Variants in RAG1 observed in about 807,000 individuals in gnomAD.
The protein encoded by RAG1 is recombination activating 1, also known as V(D)J recombination-activating protein 1.
A neutral mutation model predicts 62.7 loss-of-function variants in RAG1; 35 were observed. That is an observed-to-expected ratio of 0.56 (90% CI 0.43 to 0.74). RAG1 has a LOEUF of 0.74. Ranked by LOEUF, RAG1 falls within the 30% of genes least tolerant of loss-of-function variation. The probability of loss-of-function intolerance (pLI) is 0.00; values close to 1 mark genes in which losing one functional copy is unlikely to be tolerated. For missense variants in RAG1, 1,169 were observed against 1,278.6 expected (o/e 0.91, Z 1.31); for synonymous variants, 461 against 470.3 (o/e 0.98, Z 0.26).
In RAG1 at chr11:36,573,736, G is replaced by T. The variant is rs144430517; in HGVS notation, c.432G>T (p.Lys144Asn). The change falls in exon 2 of 2, where the codon AAG becomes AAT. Residue 144 changes from lysine (K) to asparagine (N), a missense_variant. Physicochemically the swap from Lys to Asn is moderately conservative, Grantham distance 94. This residue lies in a region of RAG1 where 369 missense variants were observed against 335.3 expected (regional missense o/e 1.10). Coordinates refer to ENST00000299440, the MANE Select transcript of RAG1 (RefSeq NM_000448.3). ...DGKTLGLLRK[K>N]EKRATSWPDL... ...AAACCCTAGGCCTTTTACGAAAGAA[G>T]GAAAAGAGAGCTACTTCCTGGCCGG... 4.8e-5 allele frequency: 77 copies of T among 1,613,914 alleles called. No individual in the cohort carries two copies. The highest frequency in any genetic ancestry group is 5.9e-5 in the Non-Finnish European group (70 of 1,180,040).
chr11:36,530,502 C>T (rs991839176), intron 2 of RAG1, among the ~76,000 whole-genome samples: 8 of 151,876 alleles, frequency 5.3e-5, no homozygotes, highest in Admixed American at 2.0e-4. Flanking sequence ...TTAGTTGTGT[C>T]CTATGAGTTA....
chr11:36,535,645 G>A (rs1269654219), intron 2 of RAG1, among the ~76,000 whole-genome samples: 1 of 152,052 alleles, frequency 6.6e-6, no homozygotes, highest in East Asian at 1.9e-4. Flanking sequence ...TCAGGAGGCT[G>A]AGGCAGAAGA....
In RAG1 at chr11:36,574,675, C is replaced by T. The variant is rs138387845; in HGVS notation, c.1371C>T (p.Ile457=). The T allele has an allele frequency of 3.7e-6, 6 of 1,614,112 alleles. No homozygotes were observed. In the African/African-American group the frequency reaches 6.7e-5, roughly 18 times the overall value. The change falls in exon 2 of 2, where the codon ATC becomes ATT. Residue 457 remains isoleucine (I), a synonymous_variant. Coordinates refer to ENST00000299440, the MANE Select transcript of RAG1 (RefSeq NM_000448.3). ...EHRQADELEA[I]MQGKGSGLQP... ...GGCAAGCTGATGAGCTGGAGGCCAT[C>T]ATGCAGGGAAAGGGCTCTGGCCTGC...
At chr11:36,572,741 G>C (rs1850768018) in intron 1 of RAG1, among the ~76,000 whole-genome samples, 1 of 152,176 alleles carries the variant, frequency 6.6e-6, no homozygotes, top group Admixed American at 6.5e-5. Flanking sequence ...CTTTCAAGTA[G>C]TGAATAATTA....
intron 2 of RAG1, among the ~76,000 whole-genome samples, chr11:36,522,671 T>A (rs1368215240): frequency 2.0e-5 from 3 of 152,188 alleles, no homozygotes; most frequent in African/African-American, 7.2e-5. Context: ...TACTGACAGC[T>A]TGCACTGTTT....
Position 36,568,998 on chromosome 11 carries a change from T to C in RAG1, c.-15+876T>C, listed in dbSNP as rs148329600. 6.8e-4 allele frequency among the ~76,000 whole-genome samples: 103 copies of C among 152,200 alleles called. 1 individual carries two copies. The highest frequency in any genetic ancestry group is 2.3e-3 in the African/African-American group (96 of 41,528). ...GTGGAACAGGTGTGATAATGAGAGG[T>C]CACACTTGAGCACACAGTTATTACT... On this transcript the variant is annotated intron_variant, in intron 1 of 1. Coordinates refer to ENST00000299440, the MANE Select transcript of RAG1 (RefSeq NM_000448.3).
chr11:36,538,029 T>C (rs1437884947), downstream of RAG1, among the ~76,000 whole-genome samples: 1 of 152,176 alleles, frequency 6.6e-6, no homozygotes. Flanking sequence ...TCTTCTTGGC[T>C]GATCTTCTTA....
Position 36,578,520 on chromosome 11 carries a change from A to AT in RAG1, c.*2090dup, listed in dbSNP as rs891605241. ...GAAGCATGGTCATGCTGGTTTATAG[A>AT]TTTTTTACCCATTTCTACTCTTTTT... On this transcript the variant is annotated 3_prime_UTR_variant, in exon 2 of 2. Coordinates refer to ENST00000299440, the MANE Select transcript of RAG1 (RefSeq NM_000448.3). The AT allele has an allele frequency of 4.2e-5, 7 of 166,788 alleles. No individual in the cohort carries two copies. The highest frequency in any genetic ancestry group is 2.1e-4 in the South Asian group (1 of 4,828). 10.3% of individuals were successfully genotyped at this position (166,788 alleles called of 1,614,324 possible).
intron 3 of RAG1, among the ~76,000 whole-genome samples, chr11:36,546,301 T>A (rs1386926838): frequency 6.6e-6 from 1 of 152,238 alleles, no homozygotes; most frequent in Non-Finnish European, 1.5e-5. Flanking sequence ...TAGCTCTTCT[T>A]GTTGCACTGA....
Position 36,574,690 on chromosome 11 carries a change from C to T in RAG1, c.1386C>T (p.Gly462=). ...DELEAIMQGK[G]SGLQPAVCLA... is the part of the protein sequence containing the mutation. ...TGGAGGCCATCATGCAGGGAAAGGG[C>T]TCTGGCCTGCAGCCAGCTGTTTGCT... Residue 462 remains glycine (G), a synonymous_variant, in exon 2 of 2, where the codon GGC becomes GGT. Transcript: ENST00000299440. 1.2e-6 allele frequency: 2 copies of T among 1,614,220 alleles called. No individual in the cohort carries two copies. The highest frequency in any genetic ancestry group is 1.7e-6 in the Non-Finnish European group (2 of 1,180,042).
chr11:36,510,436 TG>T (rs1358485355), upstream of RAG1: 1 of 152,348 alleles, frequency 6.6e-6, no homozygotes, highest in Non-Finnish European at 1.5e-5. Flanking sequence ...GTGTCCCACC[TG>T]GGAATTCGTT....
rs1850879084 is a variant in RAG1, at chr11:36,578,072, A to G, written c.*1636A>G. The G allele has an allele frequency of 6.0e-6, 1 of 167,044 alleles. No individual in the cohort carries two copies. Among genetic ancestry groups the G allele is most frequent in the Non-Finnish European group, 1.5e-5 (1 of 68,128 alleles). The allele number at this position is 167,044 out of a possible 1,614,324, so 10.3% of individuals were successfully genotyped here. A position where few individuals can be genotyped will look rare whatever the true frequency, so the allele number is the denominator to read the frequency against. On this transcript the variant is annotated 3_prime_UTR_variant, in exon 2 of 2. Transcript: ENST00000299440. ...GAGCAGGCATGGAATTTTATATGCT[A>G]GTGAGTCATAATGATATGTTAGTGT...
intron 1 of RAG1, chr11:36,511,072 C>G (rs927630697): frequency 2.6e-5 from 4 of 152,190 alleles, no homozygotes; most frequent in African/African-American, 9.7e-5. Flanking sequence ...TTTCAGTTTT[C>G]TCATCTCGTA....
chr11:36,514,493 T>A (rs1037873221), intron 1 of RAG1, among the ~76,000 whole-genome samples: 1 of 152,178 alleles, frequency 6.6e-6, no homozygotes, highest in Admixed American at 6.6e-5. Flanking sequence ...GTGCATTACA[T>A]TTATTGCGCA....
chr11:36,576,396 T>C lies in RAG1; in HGVS notation c.3092T>C (p.Ile1031Thr), dbSNP rs1315262612. Residue 1031 changes from isoleucine to threonine, a missense_variant, in exon 2 of 2, where the codon ATA becomes ACA. Transcript: ENST00000299440. Reference protein sequence around the residue: ...PQASLGDPLGIEDSLESQDSM... With the variant: ...PQASLGDPLGTEDSLESQDSM... ...GCAAGCTTAGGGGACCCATTAGGCA[T>C]AGAGGACTCTCTGGAAAGCCAAGAT... is the stretch of plus-strand genomic sequence containing the variant. 1.9e-6 allele frequency: 3 copies of C among 1,614,044 alleles called. No homozygotes were observed. Among genetic ancestry groups the C allele is most frequent in the African/African-American group, 2.7e-5 (2 of 74,924 alleles).
At chr11:36,517,863 G>A (rs1860016947) in intron 1 of RAG1, among the ~76,000 whole-genome samples, 1 of 151,994 alleles carries the variant, frequency 6.6e-6, no homozygotes, top group Non-Finnish European at 1.5e-5. Context: ...TATACTTTAA[G>A]TTTTAGGGTA....
downstream of RAG1, among the ~76,000 whole-genome samples, chr11:36,538,977 C>A (rs1326282309): frequency 1.3e-5 from 2 of 152,096 alleles, no homozygotes; most frequent in African/African-American, 4.8e-5. Context: ...CAGTCTTTTT[C>A]TTCTGTTTTT....
chr11:36,516,692 C>A (rs1860001917), intron 1 of RAG1, among the ~76,000 whole-genome samples: 1 of 152,236 alleles, frequency 6.6e-6, no homozygotes, highest in South Asian at 2.1e-4. Context: ...CTTATGAATT[C>A]TCTTTGTACC....
At chr11:36,563,009 A>G (rs116827942), upstream of RAG1, among the ~76,000 whole-genome samples, 4,145 of 152,080 alleles carry the variant, frequency 0.027, 188 homozygotes, top group African/African-American at 0.093. Context: ...GTACACACAC[A>G]CTTCTGGTGT....
Sources: gnomAD v4.1 joint callset for allele counts (sites outside exome capture counted in the v4.1 genomes callset) on GRCh38, gnomAD v4.1.1 for gene constraint, gnomAD v4.1.1 regional missense constraint, MANE v1.5 for transcripts, NCBI Gene and HGNC (gene_info 2026-07-23, HGNC 2026-07-21) for gene names.